Variants in PLIN4 observed in about 807,000 individuals in gnomAD.
PLIN4 encodes perilipin 4.
Under a neutral mutation model 52.4 loss-of-function variants are expected in PLIN4, and 57 were observed. The ratio of observed to expected loss-of-function variants is 1.09; its 90% CI spans 0.88 to 1.36. The LOEUF (loss-of-function observed/expected upper bound fraction) is 1.36. Among genes scored for constraint, PLIN4 ranks in the 40% most tolerant of loss-of-function variants. The probability of loss-of-function intolerance (pLI) is 0.00; values close to 1 mark genes in which losing one functional copy is unlikely to be tolerated. For synonymous variants in PLIN4, 826 were observed against 785.4 expected (o/e 1.05, Z -0.86); for missense variants, 1,757 against 1,770.3 (o/e 0.99, Z 0.13).
chr19:4,518,251 TC>T lies in PLIN4; in HGVS notation c.21del (p.Arg8AspfsTer173), dbSNP rs761418211. The T allele has an allele frequency of 3.2e-6, 4 of 1,232,792 alleles. No homozygotes were observed. The highest frequency in any genetic ancestry group is 4.0e-6 in the Non-Finnish European group (4 of 988,548). 76.4% of individuals were successfully genotyped at this position (1,232,792 alleles called of 1,614,324 possible). A position where few individuals can be genotyped will look rare whatever the true frequency, so the allele number is the denominator to read the frequency against. On this transcript the variant is annotated frameshift_variant, in exon 2 of 8. Transcript: ENST00000301286. LOFTEE classifies it high-confidence loss of function. MSAPDE[G>X]RRDPPKPKGK... The stretch of plus-strand genomic sequence containing the variant: ...CCCTTCGGTTTGGGGGGATCCCGTC[TC>T]CCTTCGTCTGGAGCAGACATAGTGA...
rs1191226331 is a variant in PLIN4, at chr19:4,510,570, G to A, written c.3390C>T (p.Gly1130=). 2 of 1,500,862 alleles carry A rather than the reference G, an allele frequency of 1.3e-6. No homozygotes were observed. The highest frequency in any genetic ancestry group is 1.8e-6 in the Non-Finnish European group (2 of 1,125,426). The allele number at this position is 1,500,862 out of a possible 1,614,324, so 93.0% of individuals were successfully genotyped here. A position where few individuals can be genotyped will look rare whatever the true frequency, so the allele number is the denominator to read the frequency against. Residue 1130 remains glycine (G), a synonymous_variant, in exon 5 of 8, where the codon GGC becomes GGT. Coordinates refer to ENST00000301286, the MANE Select transcript of PLIN4 (RefSeq NM_001367868.2). ...VATFTQGAAP[G]REDTGLLATT... is the part of the protein sequence containing the mutation. ...TGGCCAAAAGCCCCGTGTCCTCCCT[G>A]CCTGGGGCGGCCCCTTGGGTGAACG...
Position 4,513,200 on chromosome 19 carries a change from G to C in PLIN4, c.760C>G (p.Gln254Glu). 1.2e-6 allele frequency: 2 copies of C among 1,613,884 alleles called. No homozygotes were observed. Among genetic ancestry groups the C allele is most frequent in the South Asian group, 2.2e-5 (2 of 91,090 alleles). The change falls in exon 5 of 8, where the codon CAG becomes GAG. Residue 254 changes from glutamine to glutamate, a missense_variant. Around this residue, in one of 7 missense-constraint regions of PLIN4, gnomAD observed 99 missense variants for 143.4 expected, o/e 0.69. Transcript: ENST00000301286. ...GTCTTACTGGTGTCCACACCGGTCT[G>C]AATGCTTCCTCTGGCCACATTCACT... ...GAVNVARGSI[Q>E]TGVDTSKTVL...
chr19:4,513,987 G>C (rs1976518961), intron 4 of PLIN4, among the ~76,000 whole-genome samples: 1 of 152,182 alleles, frequency 6.6e-6, no homozygotes, highest in Admixed American at 6.5e-5. Context: ...CTGCAGGCAG[G>C]CCTCGTCCAT....
Position 4,504,478 on chromosome 19 carries a change from A to G in PLIN4, c.4097T>C (p.Leu1366Ser), listed in dbSNP as rs1299888135. 6.3e-6 allele frequency: 10 copies of G among 1,584,974 alleles called. No homozygotes were observed. In the African/African-American group the frequency reaches 1.2e-4, roughly 19 times the overall value. The part of the protein sequence containing the change: ...PLSWLVGPFA[L>S]PAGGQ ...CTACAGCTACTGCCCGCCAGCGGGC[A>G]AGGCGAAGGGCCCTACCAGCCAGCT... The change falls in exon 8 of 8, where the codon TTG becomes TCG. Residue 1366 changes from leucine to serine, a missense_variant. Physicochemically the swap from Leu to Ser is moderately radical, Grantham distance 145. Transcript: ENST00000301286.
intron 6 of PLIN4, among the ~76,000 whole-genome samples, chr19:4,505,985 C>A (rs765072019): frequency 6.6e-6 from 1 of 152,096 alleles, no homozygotes; most frequent in Non-Finnish European, 1.5e-5. Flanking sequence ...GCTCTGACTT[C>A]GAAACACCCA....
chr19:4,506,933 A>G (rs1442846125), intron 6 of PLIN4, among the ~76,000 whole-genome samples: 1 of 152,198 alleles, frequency 6.6e-6, no homozygotes, highest in Non-Finnish European at 1.5e-5. Flanking sequence ...GAGGGTCCCT[A>G]GGACAGACTT....
intron 4 of PLIN4, among the ~76,000 whole-genome samples, chr19:4,516,181 G>A (rs1976577048): frequency 6.6e-6 from 1 of 152,242 alleles, no homozygotes; most frequent in African/African-American, 2.4e-5. Flanking sequence ...TCAGGAGGTT[G>A]AGGCAGGAGA....
In PLIN4 at chr19:4,513,272, C is replaced by A; in HGVS notation, c.688G>T (p.Val230Leu). 1 of 1,613,848 alleles carries A rather than the reference C, an allele frequency of 6.2e-7. No individual in the cohort carries two copies. Among genetic ancestry groups the A allele is most frequent in the East Asian group, 2.2e-5 (1 of 44,888 alleles). The change falls in exon 5 of 8, where the codon GTG becomes TTG. Residue 230 changes from valine to leucine, a missense_variant. Physicochemically the swap from Val to Leu is conservative, Grantham distance 32. This residue lies in a region of PLIN4 where 332 missense variants were observed against 310.8 expected (regional missense o/e 1.07). Coordinates refer to ENST00000301286, the MANE Select transcript of PLIN4 (RefSeq NM_001367868.2). Reference protein sequence around the residue: ...VQTGVETSKAVLTGTKDAVST... With the variant: ...VQTGVETSKALLTGTKDAVST... ...ACAGCATCTTTGGTGCCGGTCAGCA[C>A]AGCCTTGGAGGTTTCCACGCCAGTC...
At position 4,511,179 on chromosome 19, in the gene PLIN4, G is replaced by A. The variant is rs901197636; in HGVS notation, c.2781C>T (p.Thr927=). 1.9e-6 allele frequency: 3 copies of A among 1,612,142 alleles called. No homozygotes were observed. Among genetic ancestry groups the A allele is most frequent in the East Asian group, 2.2e-5 (1 of 44,814 alleles). The change falls in exon 5 of 8, where the codon ACC becomes ACT. Residue 927 remains threonine (T), a synonymous_variant. Coordinates refer to ENST00000301286, the MANE Select transcript of PLIN4 (RefSeq NM_001367868.2). ...VDTSKTVLTG[T]KDTVCSGVTG... ...TGACTCCACTGCAGACGGTGTCCTT[G>A]GTACCGGTCAGGACAGTCTTGCTGG...
intron 4 of PLIN4, among the ~76,000 whole-genome samples, 184 bp from the exon 5 acceptor site, chr19:4,513,885 G>A (rs1976515310): frequency 1.3e-5 from 2 of 152,168 alleles, no homozygotes; most frequent in East Asian, 1.9e-4. Flanking sequence ...GACATTCATC[G>A]GGCTGTGGTG....
chr19:4,509,183 T>C lies in PLIN4; in HGVS notation c.3515-228A>G, dbSNP rs2001318. 2.5e-3 allele frequency among the ~76,000 whole-genome samples: 375 copies of C among 148,478 alleles called. 1 individual carries two copies. The highest frequency in any genetic ancestry group is 3.2e-3 in the Non-Finnish European group (212 of 66,976). On this transcript the variant is annotated intron_variant, in intron 5 of 7. Transcript: ENST00000301286. ...AAAATTAGCCGGGCGTGGTGGCGGG[T>C]GCCTGTAGTCCCAGCTACTCGGGAG...
chr19:4,502,294 C>T lies in PLIN4; in HGVS notation c.*2165G>A, dbSNP rs903568483. Reference sequence around the variant, plus strand: ...GCGCAGGCGGCAGTGTCACTGGGCCCGTTTGGGACTGGGTTGAGCCATCAG... The same window carrying T: ...GCGCAGGCGGCAGTGTCACTGGGCCTGTTTGGGACTGGGTTGAGCCATCAG... On this transcript the variant is annotated 3_prime_UTR_variant, in exon 8 of 8. Transcript: ENST00000301286. The T allele has an allele frequency of 1.4e-5, 7 of 498,136 alleles. No homozygotes were observed. Among genetic ancestry groups the T allele is most frequent in the Non-Finnish European group, 2.2e-5 (6 of 272,492 alleles). The allele number at this position is 498,136 out of a possible 1,614,324, so 30.9% of individuals were successfully genotyped here.
Position 4,504,803 on chromosome 19 carries a change from A to T in PLIN4, c.3790-18T>A. On this transcript the variant is annotated intron_variant, in intron 7 of 7. Transcript: ENST00000301286. Reference sequence around the variant, plus strand: ...TCCCGCTCCTGTGGGAGGAAGGCGCAAGGTGAGTGGAGACCCATGGGCGGG... The same window carrying T: ...TCCCGCTCCTGTGGGAGGAAGGCGCTAGGTGAGTGGAGACCCATGGGCGGG... 6.2e-7 allele frequency: 1 copy of T among 1,602,608 alleles called. No homozygotes were observed. Among genetic ancestry groups the T allele is most frequent in the Non-Finnish European group, 8.5e-7 (1 of 1,173,822 alleles).
rs1230564800 is a variant in PLIN4, at chr19:4,504,581, G to A, written c.3994C>T (p.Gln1332Ter). 2 of 1,599,840 alleles carry A rather than the reference G, an allele frequency of 1.3e-6. No individual in the cohort carries two copies. Among genetic ancestry groups the A allele is most frequent in the East Asian group, 2.3e-5 (1 of 44,178 alleles). ...GCCTGGTGCACACCCTCGCGGCTCT[G>A]CACCAGCCGCTCTGCGGGCAGCTCC... ...VEELPAERLVQSREGVHQAWQ... is the reference protein window; with the variant it reads ...VEELPAERLV Residue 1332 changes from glutamine (Q) to a stop codon, truncating the protein, a stop_gained, in exon 8 of 8, where the codon CAG (glutamine) becomes TAG (stop). Coordinates refer to ENST00000301286, the MANE Select transcript of PLIN4 (RefSeq NM_001367868.2). LOFTEE classifies it low-confidence loss of function (END_TRUNC).
chr19:4,504,530 C>T lies in PLIN4; in HGVS notation c.4045G>A (p.Glu1349Lys), dbSNP rs776685843. 1.2e-6 allele frequency: 2 copies of T among 1,605,576 alleles called. No individual in the cohort carries two copies. The highest frequency in any genetic ancestry group is 2.2e-5 in the South Asian group (2 of 90,480). The change falls in exon 8 of 8, where the codon GAG becomes AAG. Residue 1349 changes from glutamate (E) to lysine (K), a missense_variant. This residue lies in a region of PLIN4 where 712 missense variants were observed against 637.1 expected (regional missense o/e 1.12). Coordinates refer to ENST00000301286, the MANE Select transcript of PLIN4 (RefSeq NM_001367868.2). Reference sequence around the variant, plus strand: ...AGCGGGGGATTGTGCTGTAGGCCCTCCAGCAGCTGCTCTAACCCCTGCCAA... The same window carrying T: ...AGCGGGGGATTGTGCTGTAGGCCCTTCAGCAGCTGCTCTAACCCCTGCCAA... ...QAWQGLEQLL[E>K]GLQHNPPLSW...
chr19:4,508,695 A>G (rs933255058), intron 6 of PLIN4, 73 bp downstream of exon 6: 2 of 1,441,480 alleles, frequency 1.4e-6, no homozygotes, highest in East Asian at 2.5e-5. Context: ...CAGTATCTGC[A>G]GCTGGGTGAG....
Position 4,517,718 on chromosome 19 carries a change from G to A in PLIN4, c.52-20C>T, listed in dbSNP as rs201351204. On this transcript the variant is annotated intron_variant, in intron 2 of 7. Transcript: ENST00000301286. ...CAGGGTCTGCATGGGGGCGGGGGGTGTGCAGGATGAGCAGGCCAAGCCTCG... is the reference window on the plus strand; with the variant it reads ...CAGGGTCTGCATGGGGGCGGGGGGTATGCAGGATGAGCAGGCCAAGCCTCG... 6.4e-7 allele frequency: 1 copy of A among 1,568,668 alleles called. No homozygotes were observed. The highest frequency in any genetic ancestry group is 8.6e-7 in the Non-Finnish European group (1 of 1,157,244).
rs1365529504 is a variant in PLIN4 at position 4,510,340 on chromosome 19, T to TG, written c.3514+105dup. On this transcript the variant is annotated intron_variant, in intron 5 of 7. Coordinates refer to ENST00000301286, the MANE Select transcript of PLIN4 (RefSeq NM_001367868.2). The stretch of plus-strand genomic sequence containing the variant: ...GAGATCACGCCACTGCACTCCAGCC[T>TG]GGGCAACAGAGCACGACTCTGTCTC... 1.8e-4 allele frequency: 216 copies of TG among 1,210,946 alleles called. No homozygotes were observed. In the East Asian group the frequency reaches 6.7e-3, roughly 37 times the overall value. The allele number at this position is 1,210,946 out of a possible 1,614,324, so 75.0% of individuals were successfully genotyped here. A position where few individuals can be genotyped will look rare whatever the true frequency, so the allele number is the denominator to read the frequency against.
rs1184329189 is a variant in PLIN4, at chr19:4,518,404, C to G, written c.-37G>C. 4 of 1,229,896 alleles carry G rather than the reference C, an allele frequency of 3.3e-6. No homozygotes were observed. The African/African-American group carries it at 6.2e-5, about 19-fold the overall frequency. The allele number at this position is 1,229,896 out of a possible 1,614,324, so 76.2% of individuals were successfully genotyped here. A position where few individuals can be genotyped will look rare whatever the true frequency, so the allele number is the denominator to read the frequency against. ...ACCCACCTGCAGGCCTGGCCTCACC[C>G]TGGTGTCACCGAAGCAGACGCGGCC... On this transcript the variant is annotated 5_prime_UTR_variant, in exon 1 of 8. Coordinates refer to ENST00000301286, the MANE Select transcript of PLIN4 (RefSeq NM_001367868.2).
Sources: gnomAD v4.1 joint callset for allele counts (sites outside exome capture counted in the v4.1 genomes callset) on GRCh38, gnomAD v4.1.1 for gene constraint, gnomAD v4.1.1 regional missense constraint, MANE v1.5 for transcripts, NCBI Gene and HGNC (gene_info 2026-07-23, HGNC 2026-07-21) for gene names.